The following TFEC variants were observed in gnomAD, a reference collection of about 807,000 sequenced individuals.
The protein encoded by TFEC is class E basic helix-loop-helix protein 34.
A neutral mutation model predicts 41.6 loss-of-function variants in TFEC; 31 were observed. That is an observed-to-expected ratio of 0.74 (90% CI 0.56 to 1.01). TFEC has a LOEUF of 1.01. Among genes scored for constraint, TFEC ranks in the 50% least tolerant of loss-of-function variants. The pLI is 0.00. For synonymous variants in TFEC, 143 were observed against 140.6 expected (o/e 1.02, Z -0.12); for missense variants, 402 against 404.1 (o/e 0.99, Z 0.04).
At chr7:116,072,316 C>T (rs1211639183) in intron 3 of TFEC, among the ~76,000 whole-genome samples, 1 of 151,520 alleles carries the variant, frequency 6.6e-6, no homozygotes, top group African/African-American at 2.4e-5. Flanking sequence ...ATAGTAAATA[C>T]ATTCCTTTTG....
chr7:116,149,213 C>A (rs1798708485), intron 1 of TFEC, among the ~76,000 whole-genome samples: 1 of 151,856 alleles, frequency 6.6e-6, no homozygotes, highest in Admixed American at 6.6e-5. Context: ...AGAGAAATAA[C>A]AAAAATAACC....
chr7:116,113,045 G>T (rs993044519), intron 1 of TFEC, among the ~76,000 whole-genome samples: 1 of 151,900 alleles, frequency 6.6e-6, no homozygotes, highest in Non-Finnish European at 1.5e-5. Flanking sequence ...TAGGGAGCTG[G>T]ACTCAAGAGA....
chr7:116,013,791 G>A (rs566081735), intron 1 of TFEC, among the ~76,000 whole-genome samples: 13 of 152,112 alleles, frequency 8.5e-5, no homozygotes, highest in African/African-American at 3.1e-4. Flanking sequence ...CTCACTTTCT[G>A]GTAGAAAAAT....
intron 1 of TFEC, among the ~76,000 whole-genome samples, chr7:116,159,074 CTT>C (rs1227921384): frequency 1.3e-5 from 2 of 151,654 alleles, no homozygotes; most frequent in South Asian, 2.1e-4. Context: ...TTATATGTAA[CTT>C]AACAGTTTTT....
At chr7:116,078,907 T>G (rs923135714) in intron 3 of TFEC, among the ~76,000 whole-genome samples, 1 of 152,036 alleles carries the variant, frequency 6.6e-6, no homozygotes, top group East Asian at 1.9e-4. Flanking sequence ...ATATCCCTGA[T>G]GAACACAGAT....
chr7:116,003,609 TAA>T (rs1419763050), intron 1 of TFEC, among the ~76,000 whole-genome samples: 1 of 152,016 alleles, frequency 6.6e-6, no homozygotes, highest in African/African-American at 2.4e-5. Flanking sequence ...TGGAGATAGT[TAA>T]AGACAACAAA....
chr7:115,991,158 T>C (rs912296502), intron 1 of TFEC, among the ~76,000 whole-genome samples: 5 of 152,152 alleles, frequency 3.3e-5, no homozygotes, highest in African/African-American at 1.2e-4. Context: ...ATAAAATCCT[T>C]TACAGACAAG....
At chr7:115,979,878 T>C (rs1032993675) in intron 2 of TFEC, among the ~76,000 whole-genome samples, 1 of 152,180 alleles carries the variant, frequency 6.6e-6, no homozygotes, top group Admixed American at 6.5e-5. Context: ...CCAATTTTCC[T>C]GATTCAGGCT....
At position 115,993,200 on chromosome 7, in the gene TFEC, C is replaced by T. The variant is rs186893535; in HGVS notation, c.-72-8687G>A. Among the ~76,000 whole-genome samples, 15 of 152,192 alleles carry T rather than the reference C, an allele frequency of 9.9e-5. 1 individual carries two copies. The highest frequency in any genetic ancestry group is 5.9e-4 in the Admixed American group (9 of 15,276). On this transcript the variant is annotated intron_variant, in intron 1 of 7. Coordinates refer to ENST00000265440, the MANE Select transcript of TFEC (RefSeq NM_012252.4). ...CTCAATAAACTAGGTATTGATGGGACGTATCTCAAAATAATAAGAGCTATT... is the reference window on the plus strand; with the variant it reads ...CTCAATAAACTAGGTATTGATGGGATGTATCTCAAAATAATAAGAGCTATT...
intron 1 of TFEC, among the ~76,000 whole-genome samples, chr7:115,993,884 G>A (rs1584658713): frequency 6.6e-6 from 1 of 152,282 alleles, no homozygotes; most frequent in East Asian, 1.9e-4. Context: ...CCAGAAAAGA[G>A]CCCACACTGC....
intron 3 of TFEC, among the ~76,000 whole-genome samples, chr7:116,049,012 A>C (rs751472082): frequency 9.2e-5 from 14 of 152,252 alleles, no homozygotes; most frequent in Non-Finnish European, 1.6e-4. Context: ...AGCCAGTACC[A>C]GCCACTGCAA....
At chr7:116,021,953 G>T (rs575218145) in intron 1 of TFEC, among the ~76,000 whole-genome samples, 1 of 152,042 alleles carries the variant, frequency 6.6e-6, no homozygotes, top group Admixed American at 6.5e-5. Flanking sequence ...GACAATAAGG[G>T]CTCCCCCCAG....
At chr7:116,140,934 T>A (rs1358611505) in intron 1 of TFEC, among the ~76,000 whole-genome samples, 1 of 152,178 alleles carries the variant, frequency 6.6e-6, no homozygotes, top group Non-Finnish European at 1.5e-5. Context: ...GTCAACAAAT[T>A]TTCCCCACCA....
chr7:115,940,913 G>T lies in TFEC; in HGVS notation c.682C>A (p.Arg228Ser). Residue 228 changes from arginine to serine, a missense_variant, in exon 8 of 8, where the codon CGT becomes AGT. Transcript: ENST00000265440. ...LRIQELEIQA[R>S]THGLPTLASL... ...GCCAGGGTTGGCAGACCATGAGTAC[G>T]AGCCTGAATTTCTAGTTCCTGTAAT... 6.4e-7 allele frequency: 1 copy of T among 1,574,550 alleles called. No homozygotes were observed. The highest frequency in any genetic ancestry group is 8.6e-7 in the Non-Finnish European group (1 of 1,158,264).
chr7:115,935,557 A>G lies in TFEC; in HGVS notation c.*4994T>C, dbSNP rs986477770. 1 of 151,854 alleles carries G rather than the reference A, an allele frequency of 6.6e-6. No individual in the cohort carries two copies. The highest frequency in any genetic ancestry group is 2.4e-5 in the African/African-American group (1 of 41,430). 9.4% of individuals were successfully genotyped at this position (151,854 alleles called of 1,614,324 possible). On this transcript the variant is annotated 3_prime_UTR_variant, in exon 8 of 8. Transcript: ENST00000265440. ...TCGTTTGCTTTTAAAATTCAGTATC[A>G]TATTTAAAGAACAATATGTAACTTC...
chr7:115,966,507 T>C lies in TFEC; in HGVS notation c.267+7663A>G, dbSNP rs574632630. Among the ~76,000 whole-genome samples the C allele has an allele frequency of 3.3e-5, 5 of 151,882 alleles. No homozygotes were observed. In the South Asian group the frequency reaches 1.0e-3, roughly 32 times the overall value. On this transcript the variant is annotated intron_variant, in intron 3 of 7. Coordinates refer to ENST00000265440, the MANE Select transcript of TFEC (RefSeq NM_012252.4). ...AAATAACTATATCTCAAGTAATCTT[T>C]ACAACAACTCTAGTATTATAATTGT...
At chr7:115,964,123 C>T (rs1584598777) in intron 3 of TFEC, among the ~76,000 whole-genome samples, 1 of 151,472 alleles carries the variant, frequency 6.6e-6, no homozygotes, top group East Asian at 1.9e-4. Flanking sequence ...CAAAAATTTG[C>T]CATTGATTGT....
intron 7 of TFEC, 40 bp downstream of exon 7, chr7:115,941,853 G>A (rs1173439895): frequency 6.2e-7 from 1 of 1,604,852 alleles, no homozygotes; most frequent in Non-Finnish European, 8.5e-7. Context: ...GCTGAGTCAT[G>A]TGTAAGCTAT....
At chr7:116,012,566 T>C (rs1464155725) in intron 1 of TFEC, among the ~76,000 whole-genome samples, 1 of 152,072 alleles carries the variant, frequency 6.6e-6, no homozygotes, top group African/African-American at 2.4e-5. Context: ...GTAAAATAGA[T>C]CTAAAGCCAT....
Sources: allele counts gnomAD v4.1 joint callset (sites outside exome capture counted in the v4.1 genomes callset), GRCh38; gene constraint gnomAD v4.1.1; transcripts MANE v1.5; gene names NCBI Gene and HGNC (gene_info 2026-07-23, HGNC 2026-07-21).